EYS: variants seen among roughly 807,000 people sequenced by gnomAD.
EYS encodes protein eyes shut homolog.
Under a neutral mutation model 282.1 loss-of-function variants are expected in EYS, and 250 were observed. The observed-to-expected ratio is 0.89, with a 90% CI of 0.80 to 0.98. The LOEUF (loss-of-function observed/expected upper bound fraction) is 0.98, where lower values mean the gene tolerates loss of function less well. Among genes scored for constraint, EYS ranks in the 50% least tolerant of loss-of-function variants. EYS has a pLI of 0.00. For missense variants in EYS, 4,016 were observed against 3,709.0 expected (o/e 1.08, Z -2.15); for synonymous variants, 1,355 against 1,282.9 (o/e 1.06, Z -1.20).
chr6:65,013,527 T>C (rs922449141), intron 13 of EYS, among the ~76,000 whole-genome samples: 1 of 152,166 alleles, frequency 6.6e-6, no homozygotes, highest in Non-Finnish European at 1.5e-5. Flanking sequence ...AATTCCAATA[T>C]GGTTTCCAAG....
chr6:64,255,991 A>G (rs913206861), intron 30 of EYS, among the ~76,000 whole-genome samples: 3 of 151,998 alleles, frequency 2.0e-5, no homozygotes, highest in African/African-American at 7.2e-5. Context: ...TCCATGTGCG[A>G]CTGTAAGAGC....
chr6:63,970,047 C>T (rs1766482946), intron 35 of EYS, among the ~76,000 whole-genome samples: 2 of 152,118 alleles, frequency 1.3e-5, no homozygotes. Flanking sequence ...TGGAGATGGC[C>T]ATGGGTTATT....
At chr6:64,101,261 T>G (rs113455292) in intron 31 of EYS, among the ~76,000 whole-genome samples, 5,188 of 152,196 alleles carry the variant, frequency 0.034, 306 homozygotes, top group African/African-American at 0.12. Flanking sequence ...CTGTCAAAAG[T>G]AGAATCCCAG....
chr6:64,684,277 T>C (rs1019428068), intron 22 of EYS, among the ~76,000 whole-genome samples: 1 of 152,058 alleles, frequency 6.6e-6, no homozygotes, highest in Non-Finnish European at 1.5e-5. Context: ...ACAACAGAAA[T>C]ATAAAACCTG....
chr6:63,964,958 C>T (rs909777667), intron 35 of EYS, among the ~76,000 whole-genome samples: 11 of 152,172 alleles, frequency 7.2e-5, no homozygotes, highest in African/African-American at 2.7e-4. Context: ...ATGGTGAATA[C>T]TTTGCACATT....
At chr6:63,826,315 T>C (rs1771459165) in intron 36 of EYS, among the ~76,000 whole-genome samples, 1 of 152,132 alleles carries the variant, frequency 6.6e-6, no homozygotes, top group South Asian at 2.1e-4. Context: ...GAAAACGTAT[T>C]TGGGGGGATA....
chr6:64,294,807 C>A (rs890568786), intron 30 of EYS, among the ~76,000 whole-genome samples: 1 of 152,198 alleles, frequency 6.6e-6, no homozygotes, highest in African/African-American at 2.4e-5. Flanking sequence ...TAAGATTATA[C>A]TTGAAACAGT....
intron 35 of EYS, among the ~76,000 whole-genome samples, chr6:63,927,096 T>C (rs1764738044): frequency 6.6e-6 from 1 of 152,208 alleles, no homozygotes; most frequent in South Asian, 2.1e-4. Context: ...AAAACTTGGG[T>C]TCTTAGTCTG....
chr6:64,600,300 G>T (rs3857533), intron 24 of EYS, among the ~76,000 whole-genome samples: 3,425 of 151,874 alleles, frequency 0.023, 111 homozygotes, highest in African/African-American at 0.078. Flanking sequence ...CAGATTCTGT[G>T]TTCTATAAAA....
At chr6:65,557,320 A>G (rs1303604626) in intron 2 of EYS, among the ~76,000 whole-genome samples, 1 of 152,186 alleles carries the variant, frequency 6.6e-6, no homozygotes, top group African/African-American at 2.4e-5. Flanking sequence ...TGCGTGAAAG[A>G]GTGCAGGGTC....
chr6:65,202,394 G>A (rs1765924130), intron 12 of EYS, among the ~76,000 whole-genome samples: 1 of 152,102 alleles, frequency 6.6e-6, no homozygotes, highest in African/African-American at 2.4e-5. Context: ...TTGTCTAGCT[G>A]TTTGTGAAAG....
chr6:64,363,581 GT>G (rs11345630), intron 29 of EYS, among the ~76,000 whole-genome samples: 108,854 of 151,716 alleles, frequency 0.72, 39,257 homozygotes, highest in African/African-American at 0.79. Flanking sequence ...GCTGTGATAA[GT>G]TAAGTTACTT....
chr6:65,336,422 C>A (rs1769991574), intron 10 of EYS, among the ~76,000 whole-genome samples: 1 of 151,464 alleles, frequency 6.6e-6, no homozygotes, highest in African/African-American at 2.4e-5. Flanking sequence ...CAAATTGTGA[C>A]AGAAATATAT....
At chr6:64,510,745 A>C (rs1275884008) in intron 26 of EYS, among the ~76,000 whole-genome samples, 1 of 152,186 alleles carries the variant, frequency 6.6e-6, no homozygotes, top group Non-Finnish European at 1.5e-5. Context: ...TCAGATTTTC[A>C]ATTTTTCCTT....
chr6:63,759,068 A>G (rs996897799), intron 41 of EYS, among the ~76,000 whole-genome samples: 2 of 152,108 alleles, frequency 1.3e-5, no homozygotes, highest in Admixed American at 6.6e-5. Context: ...CAATGTATGT[A>G]TTTTTTGTGC....
At chr6:64,545,728 C>G (rs1275029505) in intron 26 of EYS, among the ~76,000 whole-genome samples, 1 of 152,130 alleles carries the variant, frequency 6.6e-6, no homozygotes, top group Non-Finnish European at 1.5e-5. Context: ...ACACCAGTAA[C>G]AGACACACAA....
chr6:65,209,260 T>C (rs1766113458), intron 12 of EYS, among the ~76,000 whole-genome samples: 1 of 151,710 alleles, frequency 6.6e-6, no homozygotes, highest in African/African-American at 2.4e-5. Context: ...AAGTTTTTTT[T>C]TTTAATTTTT....
chr6:65,318,549 ATATATATTT>A (rs1769377602), intron 11 of EYS, among the ~76,000 whole-genome samples: 1 of 146,544 alleles, frequency 6.8e-6, no homozygotes, highest in East Asian at 1.9e-4. Context: ...TATATATATT[ATATATATTT>A]TATATATTAT....
At chr6:65,457,929 C>G (rs60570451) in intron 5 of EYS, among the ~76,000 whole-genome samples, 6,204 of 152,090 alleles carry the variant, frequency 0.041, 385 homozygotes, top group African/African-American at 0.13. Context: ...AAAATTAGAC[C>G]ACTATTTCTG....
Sources: allele counts gnomAD v4.1 joint callset (sites outside exome capture counted in the v4.1 genomes callset), GRCh38; gene constraint gnomAD v4.1.1; transcripts MANE v1.5; gene names NCBI Gene and HGNC (gene_info 2026-07-23, HGNC 2026-07-21).